Variants in DRAP1 observed in about 807,000 individuals in gnomAD.
The protein encoded by DRAP1 is DR1 associated protein 1.
A neutral mutation model predicts 24.1 loss-of-function variants in DRAP1; 10 were observed. That is an observed-to-expected ratio of 0.41 (90% CI 0.26 to 0.70). The LOEUF (loss-of-function observed/expected upper bound fraction) is 0.70, where lower values mean the gene tolerates loss of function less well. DRAP1 is among the 30% of genes least tolerant of loss of function. The pLI is 0.29. For synonymous variants in DRAP1, 122 were observed against 113.8 expected, an observed-to-expected ratio of 1.07 and a Z score of -0.46; for missense variants, 264 against 275.6, an observed-to-expected ratio of 0.96 and a Z score of 0.30.
At chr11:65,920,830 C>T in intron 5 of DRAP1, 54 bp from the exon 6 acceptor site, 4 of 1,549,138 alleles carry the variant, frequency 2.6e-6, no homozygotes, top group Non-Finnish European at 3.5e-6. Context: ...CTGCCACTCC[C>T]AGTGATGGGT....
rs1366592896 is a variant in DRAP1, at chr11:65,919,531, G to A, written c.30G>A (p.Ala10=). The part of the protein sequence containing the change: MPSKKKKYN[A]RFPPARIKKI... ...CGAGCAAGAAGAAGAAGTACAACGC[G>A]CGGTTCCCGCCGGTGAGCACGTGGC... The change falls in exon 1 of 7, where the codon GCG becomes GCA. Residue 10 remains alanine (A), a synonymous_variant. Coordinates refer to ENST00000312515, the MANE Select transcript of DRAP1 (RefSeq NM_006442.4). 2 of 1,546,402 alleles carry A rather than the reference G, an allele frequency of 1.3e-6. No individual in the cohort carries two copies. Among genetic ancestry groups the A allele is most frequent in the African/African-American group, 1.4e-5 (1 of 72,394 alleles).
intron 1 of DRAP1, 71 bp downstream of exon 1, chr11:65,919,614 C>T: frequency 1.3e-6 from 2 of 1,541,938 alleles, no homozygotes; most frequent in South Asian, 1.2e-5. Flanking sequence ...TCCCGCTGGG[C>T]AGGCGGGCGC....
rs534480581 is a variant in DRAP1, at chr11:65,919,740, C to T, written c.43-40C>T. The T allele has an allele frequency of 4.3e-6, 7 of 1,611,232 alleles. No individual in the cohort carries two copies. The Admixed American group carries it at 8.3e-5, about 19-fold the overall frequency. On this transcript the variant is annotated intron_variant, in intron 1 of 6. Coordinates refer to ENST00000312515, the MANE Select transcript of DRAP1 (RefSeq NM_006442.4). ...CCTCCCCCAGCACCCCCTTAGGGGA[C>T]GGTGGCGACGGGGTCTGAACTCTGC...
chr11:65,921,518 AATTT>A lies in DRAP1; in HGVS notation c.*87_*90del. ...AGGAGAGAAGGTAGAGCTGTTCTTA[AATTT>A]ATTAAAAAAAAAAATAAAAGGGAAT... On this transcript the variant is annotated 3_prime_UTR_variant, in exon 7 of 7. Coordinates refer to ENST00000312515, the MANE Select transcript of DRAP1 (RefSeq NM_006442.4). 1.6e-6 allele frequency: 1 copy of A among 610,040 alleles called. No individual in the cohort carries two copies. The highest frequency in any genetic ancestry group is 2.9e-6 in the Non-Finnish European group (1 of 349,306). The allele number at this position is 610,040 out of a possible 1,614,324, so 37.8% of individuals were successfully genotyped here. A position where few individuals can be genotyped will look rare whatever the true frequency, so the allele number is the denominator to read the frequency against.
In DRAP1 at chr11:65,921,503, G is replaced by A. The variant is rs1175667753; in HGVS notation, c.*68G>A. On this transcript the variant is annotated 3_prime_UTR_variant, in exon 7 of 7. Transcript: ENST00000312515. ...AGTTGCTCTGGGGGGAGGAGAGAAG[G>A]TAGAGCTGTTCTTAAATTTATTAAA... The A allele has an allele frequency of 2.9e-6, 2 of 687,392 alleles. No homozygotes were observed. Among genetic ancestry groups the A allele is most frequent in the Admixed American group, 2.5e-5 (1 of 40,406 alleles). 42.6% of individuals were successfully genotyped at this position (687,392 alleles called of 1,614,324 possible).
intron 6 of DRAP1, 127 bp from the exon 7 acceptor site, chr11:65,921,203 C>T: frequency 1.4e-6 from 1 of 722,716 alleles, no homozygotes. Flanking sequence ...TGCCCTGGGC[C>T]TTGGCCGCAT....
rs1455215633 is a variant in DRAP1, at chr11:65,921,496, A to G, written c.*61A>G. 2 of 737,368 alleles carry G rather than the reference A, an allele frequency of 2.7e-6. No individual in the cohort carries two copies. The highest frequency in any genetic ancestry group is 2.6e-5 in the East Asian group (1 of 38,120). The allele number at this position is 737,368 out of a possible 1,614,324, so 45.7% of individuals were successfully genotyped here. ...TGGTTTTAGTTGCTCTGGGGGGAGG[A>G]GAGAAGGTAGAGCTGTTCTTAAATT... On this transcript the variant is annotated 3_prime_UTR_variant, in exon 7 of 7. Transcript: ENST00000312515.
In DRAP1 at chr11:65,919,991, C is replaced by T. The variant is rs780671088; in HGVS notation, c.159C>T (p.Ala53=). The part of the protein sequence containing the change: ...ELFLESLLKK[A]CQVTQSRNAK... ...TCCTAGAGTCGCTGTTGAAGAAGGC[C>T]TGCCAGGTGACCCAGTCGCGGAACG... is the stretch of plus-strand genomic sequence containing the variant. The change falls in exon 3 of 7, where the codon GCC becomes GCT. Residue 53 remains alanine (A), a synonymous_variant. Transcript: ENST00000312515. 1.1e-5 allele frequency: 18 copies of T among 1,613,714 alleles called. No individual in the cohort carries two copies. In the African/African-American group the frequency reaches 1.9e-4, roughly 17 times the overall value.
At chr11:65,920,135 G>T in intron 3 of DRAP1, 94 bp downstream of exon 3, 1 of 1,501,576 alleles carries the variant, frequency 6.7e-7, no homozygotes, top group Non-Finnish European at 9.1e-7. Context: ...GGAGGTGGGC[G>T]GCAGCCGGGA....
chr11:65,919,605 C>G (rs1854521455), intron 1 of DRAP1, 62 bp downstream of exon 1: 3 of 1,544,652 alleles, frequency 1.9e-6, no homozygotes, highest in Non-Finnish European at 2.6e-6. Flanking sequence ...GGGCCCAGTT[C>G]CCGCTGGGCA....
At position 65,921,201 on chromosome 11, in the gene DRAP1, G is replaced by A. The variant is rs1854545983; in HGVS notation, c.513-129G>A. The A allele has an allele frequency of 4.2e-6, 3 of 721,668 alleles. No homozygotes were observed. The East Asian group carries it at 8.2e-5, about 20-fold the overall frequency. 44.7% of individuals were successfully genotyped at this position (721,668 alleles called of 1,614,324 possible). On this transcript the variant is annotated intron_variant, in intron 6 of 6. Transcript: ENST00000312515. ...GCCTGCCCTGCGTGAGCTGCCCTGG[G>A]CCTTGGCCGCATGGATCTGGAGGGT...
intron 3 of DRAP1, 137 bp downstream of exon 3, chr11:65,920,178 G>C: frequency 7.0e-7 from 1 of 1,422,020 alleles, no homozygotes; most frequent in African/African-American, 1.4e-5. Context: ...CAGAGGAGAG[G>C]CTGGGCTTCC....
chr11:65,920,428 G>A lies in DRAP1; in HGVS notation c.295G>A (p.Asp99Asn). 2.5e-6 allele frequency: 4 copies of A among 1,614,158 alleles called. No individual in the cohort carries two copies. The highest frequency in any genetic ancestry group is 3.4e-6 in the Non-Finnish European group (4 of 1,180,030). The change falls in exon 4 of 7, where the codon GAC becomes AAC. Residue 99 changes from aspartate (D) to asparagine (N), a missense_variant. By Grantham distance (23) the Asp-to-Asn change is conservative (BLOSUM62 1). Around this residue, in one of 2 missense-constraint regions of DRAP1, gnomAD observed 243 missense variants for 233.6 expected, o/e 1.04. Transcript: ENST00000312515. ...TCCCGACATGCAGGGGGACGGGGAAGACAACCACATGGATGGGGACAAGGG... is the reference window on the plus strand; with the variant it reads ...TCCCGACATGCAGGGGGACGGGGAAAACAACCACATGGATGGGGACAAGGG... ...SVPDMQGDGE[D>N]NHMDGDKGAR...
Position 65,920,011 on chromosome 11 carries a change from G to T in DRAP1, c.179G>T (p.Arg60Leu). 1 of 1,613,690 alleles carries T rather than the reference G, an allele frequency of 6.2e-7. No homozygotes were observed. Among genetic ancestry groups the T allele is most frequent in the Non-Finnish European group, 8.5e-7 (1 of 1,179,932 alleles). Residue 60 changes from arginine to leucine, a missense_variant, in exon 3 of 7, where the codon CGG becomes CTG. Around this residue, in one of 2 missense-constraint regions of DRAP1, gnomAD observed 243 missense variants for 233.6 expected, o/e 1.04. Coordinates refer to ENST00000312515, the MANE Select transcript of DRAP1 (RefSeq NM_006442.4). ...LKKACQVTQSRNAKTMTTSHL... is the reference protein window; with the variant it reads ...LKKACQVTQSLNAKTMTTSHL... ...AAGGCCTGCCAGGTGACCCAGTCGCGGAACGCGAAGACCATGACCACATCC... is the reference window on the plus strand; with the variant it reads ...AAGGCCTGCCAGGTGACCCAGTCGCTGAACGCGAAGACCATGACCACATCC...
chr11:65,919,616 G>A, intron 1 of DRAP1, 73 bp downstream of exon 1: 10 of 1,541,306 alleles, frequency 6.5e-6, no homozygotes, highest in Non-Finnish European at 8.8e-6. Context: ...CCGCTGGGCA[G>A]GCGGGCGCGC....
chr11:65,921,270 G>A (rs1854546704), intron 6 of DRAP1, 60 bp from the exon 7 acceptor site: 1 of 1,023,572 alleles, frequency 9.8e-7, no homozygotes, highest in Non-Finnish European at 1.5e-6. Context: ...CTTGGCAGCT[G>A]CCCCTGTGGA....
At chr11:65,919,897 A>AG in intron 2 of DRAP1, 45 bp downstream of exon 2, 1 of 1,613,224 alleles carries the variant, frequency 6.2e-7, no homozygotes, top group Non-Finnish European at 8.5e-7. Flanking sequence ...TGGGGGAGGG[A>AG]GGCAGCGGGT....
chr11:65,919,998 G>A lies in DRAP1; in HGVS notation c.166G>A (p.Val56Met). The change falls in exon 3 of 7, where the codon GTG becomes ATG. Residue 56 changes from valine to methionine, a missense_variant. Physicochemically the swap from Val to Met is conservative, Grantham distance 21 (BLOSUM62 1). Around this residue, in one of 2 missense-constraint regions of DRAP1, gnomAD observed 243 missense variants for 233.6 expected, o/e 1.04. Transcript: ENST00000312515. ...GTCGCTGTTGAAGAAGGCCTGCCAG[G>A]TGACCCAGTCGCGGAACGCGAAGAC... ...LESLLKKACQ[V>M]TQSRNAKTMT... 6.2e-7 allele frequency: 1 copy of A among 1,613,832 alleles called. No individual in the cohort carries two copies. The highest frequency in any genetic ancestry group is 1.6e-4 in the Middle Eastern group (1 of 6,062).
chr11:65,920,849 T>A, intron 5 of DRAP1, 35 bp from the exon 6 acceptor site: 1 of 1,586,248 alleles, frequency 6.3e-7, no homozygotes, highest in Non-Finnish European at 8.6e-7. Context: ...GTTCGTGTCT[T>A]TTCTTGTCAA....
Sources: allele counts gnomAD v4.1 joint callset, GRCh38; gene constraint gnomAD v4.1.1; regional missense constraint gnomAD v4.1.1; transcripts MANE v1.5; gene names NCBI Gene and HGNC (gene_info 2026-07-23, HGNC 2026-07-21).